PNPLA7: variants seen among roughly 807,000 people sequenced by gnomAD.
The protein encoded by PNPLA7 is patatin-like phospholipase domain-containing protein 7.
In PNPLA7, 153 loss-of-function variants were observed where a neutral mutation model predicts 161.7. The ratio of observed to expected loss-of-function variants is 0.95; its 90% CI spans 0.83 to 1.08. The LOEUF (loss-of-function observed/expected upper bound fraction) is 1.08, where lower values mean the gene tolerates loss of function less well. Ranked by LOEUF, PNPLA7 falls within the 50% of genes least tolerant of loss-of-function variation. The pLI is 0.00. For synonymous variants in PNPLA7, 809 were observed against 782.1 expected (o/e 1.03, Z -0.57); for missense variants, 1,739 against 1,856.6 (o/e 0.94, Z 1.16).
chr9:137,545,763 A>G, intron 4 of PNPLA7, among the ~76,000 whole-genome samples: 2 of 152,224 alleles, frequency 1.3e-5, no homozygotes, highest in Non-Finnish European at 2.9e-5. Flanking sequence ...TGACCAGAAG[A>G]CAAGAGTGCG....
chr9:137,536,900 T>G (rs1487983125), intron 8 of PNPLA7, among the ~76,000 whole-genome samples: 2 of 148,036 alleles, frequency 1.4e-5, no homozygotes, highest in African/African-American at 5.1e-5. Flanking sequence ...GAGCCATACT[T>G]CATCTCCCAC....
In PNPLA7 at chr9:137,516,833, A is replaced by AATT. The variant is rs539171251; in HGVS notation, c.1085-1317_1085-1315dup. Among the ~76,000 whole-genome samples the AATT allele has an allele frequency of 1.0e-4, 15 of 149,954 alleles. No individual in the cohort carries two copies. In the South Asian group the frequency reaches 1.3e-3, roughly 13 times the overall value. The stretch of plus-strand genomic sequence containing the variant: ...ACCCTGTCTCAATAGTAATAATAAT[A>AATT]ATTATTATTATTATTATAAAAATAA... On this transcript the variant is annotated intron_variant, in intron 11 of 34. Coordinates refer to ENST00000406427, the MANE Select transcript of PNPLA7 (RefSeq NM_001098537.3).
rs1832094017 is a variant in PNPLA7, at chr9:137,479,338, G to A, written c.2581-100C>T. On this transcript the variant is annotated intron_variant, in intron 23 of 34. Coordinates refer to ENST00000406427, the MANE Select transcript of PNPLA7 (RefSeq NM_001098537.3). ...ACAGAGGGTCTGAGGGCAGGACCCC[G>A]GGAGCAGCTCCTGGGTTCTGCAAAG... is the stretch of plus-strand genomic sequence containing the variant. 8 of 1,371,228 alleles carry A rather than the reference G, an allele frequency of 5.8e-6. No individual in the cohort carries two copies. In the South Asian group the frequency reaches 7.1e-5, roughly 12 times the overall value. 84.9% of individuals were successfully genotyped at this position (1,371,228 alleles called of 1,614,324 possible). A position where few individuals can be genotyped will look rare whatever the true frequency, so the allele number is the denominator to read the frequency against.
intron 12 of PNPLA7, among the ~76,000 whole-genome samples, chr9:137,507,450 G>A (rs1200367566): frequency 1.3e-5 from 2 of 152,224 alleles, no homozygotes; most frequent in South Asian, 2.1e-4. Flanking sequence ...CAGGCAGGTC[G>A]CCTAAGGTTG....
chr9:137,463,170 G>T, intron 29 of PNPLA7: 1 of 589,434 alleles, frequency 1.7e-6, no homozygotes, highest in Non-Finnish European at 3.0e-6. Context: ...TGTTCTGCAT[G>T]CTGCTGAGCT....
intron 8 of PNPLA7, among the ~76,000 whole-genome samples, chr9:137,536,344 G>A (rs1178210645): frequency 6.6e-6 from 1 of 152,016 alleles, no homozygotes; most frequent in Non-Finnish European, 1.5e-5. Flanking sequence ...GTAGGGGAAG[G>A]AAGGGTGGGT....
At chr9:137,506,233 C>A (rs1588633102) in intron 12 of PNPLA7, 150 bp from the exon 13 acceptor site, 3 of 626,842 alleles carry the variant, frequency 4.8e-6, no homozygotes, top group African/African-American at 1.8e-5. Context: ...CCACACCCTG[C>A]TTTCTTTCGG....
In PNPLA7 at chr9:137,524,662, G is replaced by A. The variant is rs1470909274; in HGVS notation, c.748-1805C>T. ...CAAACTGTCTCCTACAGCGGCTGCCGTGCTTTGCATTCTCACCAGCGGTGA... is the reference window on the plus strand; with the variant it reads ...CAAACTGTCTCCTACAGCGGCTGCCATGCTTTGCATTCTCACCAGCGGTGA... On this transcript the variant is annotated intron_variant, in intron 8 of 34. Coordinates refer to ENST00000406427, the MANE Select transcript of PNPLA7 (RefSeq NM_001098537.3). The surrounding 1 kb of genome is among the most constrained non-coding windows in gnomAD (Gnocchi z 4.4). Among the ~76,000 whole-genome samples, 4 of 152,212 alleles carry A rather than the reference G, an allele frequency of 2.6e-5. No individual in the cohort carries two copies. The highest frequency in any genetic ancestry group is 6.5e-5 in the Admixed American group (1 of 15,272).
chr9:137,495,165 T>C lies in PNPLA7; in HGVS notation c.2014-19A>G, dbSNP rs1208384623. 3 of 1,570,670 alleles carry C rather than the reference T, an allele frequency of 1.9e-6. No homozygotes were observed. The highest frequency in any genetic ancestry group is 2.3e-5 in the East Asian group (1 of 44,302). On this transcript the variant is annotated intron_variant, in intron 18 of 34. Coordinates refer to ENST00000406427, the MANE Select transcript of PNPLA7 (RefSeq NM_001098537.3). ...TCTCCACCTGAGGACAGGAGCCGGC[T>C]GCTGGGGCCGCGGGCTTGGGAGGGC...
intron 14 of PNPLA7, among the ~76,000 whole-genome samples, chr9:137,504,975 G>A (rs1166322462): frequency 1.3e-5 from 2 of 152,112 alleles, no homozygotes; most frequent in Admixed American, 6.5e-5. Flanking sequence ...AATCATTTGA[G>A]GTCAGGAGTT....
chr9:137,508,383 C>T (rs974089881), intron 12 of PNPLA7, among the ~76,000 whole-genome samples: 22 of 151,708 alleles, frequency 1.5e-4, no homozygotes, highest in Non-Finnish European at 2.9e-4. Context: ...CTGGCTAACA[C>T]GGTGAAACCC....
intron 25 of PNPLA7, among the ~76,000 whole-genome samples, chr9:137,470,081 C>T (rs897993585): frequency 3.3e-5 from 5 of 151,986 alleles, no homozygotes; most frequent in Non-Finnish European, 5.9e-5. Flanking sequence ...TGGAGTGCAG[C>T]GGTGTGATCA....
At chr9:137,518,201 C>G (rs1834740403) in intron 11 of PNPLA7, among the ~76,000 whole-genome samples, 1 of 138,998 alleles carries the variant, frequency 7.2e-6, no homozygotes, top group African/African-American at 2.9e-5. Flanking sequence ...TCACTCACTC[C>G]ACTCTGCTCA....
intron 23 of PNPLA7, chr9:137,479,660 A>G: frequency 2.0e-6 from 2 of 985,426 alleles, no homozygotes; most frequent in Non-Finnish European, 2.4e-6. Context: ...CAGAGCAGGG[A>G]GCAGAGGAGG....
chr9:137,497,082 G>T lies in PNPLA7; in HGVS notation c.2013+105C>A, dbSNP rs1043640562. The stretch of plus-strand genomic sequence containing the variant: ...ATCACTACTACCATCCACTCCTGGG[G>T]CTTTTGCTCCCAAGTAACTGGCCAG... On this transcript the variant is annotated intron_variant, in intron 18 of 34. Coordinates refer to ENST00000406427, the MANE Select transcript of PNPLA7 (RefSeq NM_001098537.3). The T allele has an allele frequency of 1.6e-5, 21 of 1,295,966 alleles. No homozygotes were observed. In the Admixed American group the frequency reaches 7.0e-4, roughly 43 times the overall value. The allele number at this position is 1,295,966 out of a possible 1,614,324, so 80.3% of individuals were successfully genotyped here.
At chr9:137,497,366 C>T in intron 17 of PNPLA7, 56 bp from the exon 18 acceptor site, 1 of 1,413,180 alleles carries the variant, frequency 7.1e-7, no homozygotes, top group East Asian at 2.8e-5. Context: ...GCCTCCACAC[C>T]CAGCTTCCCA....
intron 8 of PNPLA7, among the ~76,000 whole-genome samples, chr9:137,531,812 G>A (rs987700690): frequency 3.9e-5 from 6 of 152,140 alleles, no homozygotes; most frequent in African/African-American, 1.4e-4. Flanking sequence ...AAGAGAAGGT[G>A]AAATGAGAGC....
At chr9:137,502,694 G>GGGACAAGGGAGATGA in intron 14 of PNPLA7, among the ~76,000 whole-genome samples, 1 of 14,708 alleles carries the variant, frequency 6.8e-5, no homozygotes, top group African/African-American at 4.2e-4. Flanking sequence ...GAGGGGGACG[G>GGGACAAGGGAGATGA]GGGGGACGCG....
intron 4 of PNPLA7, among the ~76,000 whole-genome samples, chr9:137,544,926 G>T (rs578084035): frequency 8.8e-4 from 134 of 152,276 alleles, no homozygotes; most frequent in African/African-American, 3.1e-3. Context: ...GAGAGTACAG[G>T]CGTGAGCCAC....
Sources: gnomAD v4.1 joint callset for allele counts (sites outside exome capture counted in the v4.1 genomes callset) on GRCh38, gnomAD v4.1.1 for gene constraint, Gnocchi (gnomAD v3.1) non-coding constraint, MANE v1.5 for transcripts, NCBI Gene and HGNC (gene_info 2026-07-23, HGNC 2026-07-21) for gene names.